CDH13: variants seen among roughly 807,000 people sequenced by gnomAD.
The protein encoded by CDH13 is cadherin-13.
Under a neutral mutation model 63.8 loss-of-function variants are expected in CDH13, and 24 were observed. The observed-to-expected ratio is 0.38, with a 90% confidence interval of 0.27 to 0.53. The LOEUF (loss-of-function observed/expected upper bound fraction) is 0.53. Ranked by LOEUF, CDH13 falls within the 20% of genes least tolerant of loss-of-function variation. The pLI is 0.85. For synonymous variants in CDH13, 503 were observed against 355.3 expected, an observed-to-expected ratio of 1.42 and a Z score of -4.67; for missense variants, 1,049 against 903.1, an observed-to-expected ratio of 1.16 and a Z score of -2.07.
intron 5 of CDH13, among the ~76,000 whole-genome samples, chr16:83,307,025 G>A (rs755121815): frequency 1.3e-5 from 2 of 152,122 alleles, no homozygotes; most frequent in South Asian, 2.1e-4. Context: ...AACCTCTTTC[G>A]GCATGAATAA....
chr16:83,388,553 G>A (rs944175203), intron 6 of CDH13, among the ~76,000 whole-genome samples: 2 of 152,168 alleles, frequency 1.3e-5, no homozygotes, highest in African/African-American at 2.4e-5. Flanking sequence ...GCAGCTGCCT[G>A]TTTGGATCAT....
At chr16:83,499,286 C>A (rs762138849) in intron 7 of CDH13, among the ~76,000 whole-genome samples, 1 of 152,198 alleles carries the variant, frequency 6.6e-6, no homozygotes, top group Non-Finnish European at 1.5e-5. Context: ...TGTGATACTT[C>A]TTTGTTTATA....
At chr16:83,132,471 C>A (rs1306867660) in intron 4 of CDH13, among the ~76,000 whole-genome samples, 2 of 97,130 alleles carry the variant, frequency 2.1e-5, no homozygotes, top group Non-Finnish European at 3.7e-5. Flanking sequence ...TTTTTTGAGA[C>A]AGAGTCTTTC....
At chr16:83,229,696 C>G (rs1043624104) in intron 5 of CDH13, among the ~76,000 whole-genome samples, 3 of 152,072 alleles carry the variant, frequency 2.0e-5, no homozygotes, top group African/African-American at 7.2e-5. Context: ...TCCAAAGGTG[C>G]AGATGTTTGC....
At chr16:82,792,946 T>G (rs1403668765) in intron 1 of CDH13, among the ~76,000 whole-genome samples, 1 of 152,208 alleles carries the variant, frequency 6.6e-6, no homozygotes, top group Non-Finnish European at 1.5e-5. Context: ...AGCATTGGAC[T>G]GTTATGCGAG....
intron 1 of CDH13, among the ~76,000 whole-genome samples, chr16:82,680,858 G>T (rs1296671145): frequency 4.6e-5 from 7 of 152,162 alleles, no homozygotes; most frequent in Middle Eastern, 3.2e-3. Flanking sequence ...GCCTAACCTG[G>T]GTGGTGGCCA....
intron 6 of CDH13, among the ~76,000 whole-genome samples, chr16:83,451,218 G>A (rs1288079896): frequency 2.0e-5 from 3 of 152,204 alleles, no homozygotes; most frequent in African/African-American, 7.2e-5. Flanking sequence ...GAAGTTTAAT[G>A]ACTCACAGTT....
chr16:83,245,783 C>A (rs1904929926), intron 5 of CDH13, among the ~76,000 whole-genome samples: 1 of 152,102 alleles, frequency 6.6e-6, no homozygotes, highest in Non-Finnish European at 1.5e-5. Flanking sequence ...CACCCTGTCT[C>A]CCAGGCTGGA....
Position 83,499,409 on chromosome 16 carries a change from C to T in CDH13, c.960+12754C>T, listed in dbSNP as rs149745152. 7.0e-3 allele frequency among the ~76,000 whole-genome samples: 1,068 copies of T among 152,322 alleles called. 4 individuals are homozygous for T. Among genetic ancestry groups the T allele is most frequent in the Non-Finnish European group, 8.9e-3 (606 of 68,028 alleles). ...TTCCACAGTGCAGTGTCTGAGATGACCGTCTTCAGATCTGGGTTGCTTGAG... is the reference window on the plus strand; with the variant it reads ...TTCCACAGTGCAGTGTCTGAGATGATCGTCTTCAGATCTGGGTTGCTTGAG... On this transcript the variant is annotated intron_variant, in intron 7 of 13. Transcript: ENST00000567109.
intron 6 of CDH13, among the ~76,000 whole-genome samples, chr16:83,366,653 C>T (rs114097374): frequency 3.3e-5 from 5 of 152,154 alleles, no homozygotes; most frequent in Admixed American, 2.0e-4. Flanking sequence ...AGATAGTCTC[C>T]TGACACCTAC....
At chr16:83,519,800 G>T (rs577922594) in intron 7 of CDH13, among the ~76,000 whole-genome samples, 6 of 152,244 alleles carry the variant, frequency 3.9e-5, no homozygotes, top group African/African-American at 1.2e-4. Flanking sequence ...TGTGAATGGT[G>T]GGGGGAACAA....
At chr16:83,502,885 G>A (rs7196277) in intron 7 of CDH13, among the ~76,000 whole-genome samples, 95,851 of 152,022 alleles carry the variant, frequency 0.63, 30,983 homozygotes, top group East Asian at 0.89. Flanking sequence ...CGACAGTGGG[G>A]TCTCCCTAGA....
intron 10 of CDH13, chr16:83,710,135 A>G (rs978428735): frequency 6.6e-6 from 1 of 152,354 alleles, no homozygotes; most frequent in Non-Finnish European, 1.5e-5. Flanking sequence ...AGTTCTCACA[A>G]TGCACTGGAC....
intron 7 of CDH13, among the ~76,000 whole-genome samples, chr16:83,588,396 C>T (rs1004405083): frequency 6.6e-6 from 1 of 152,198 alleles, no homozygotes; most frequent in African/African-American, 2.4e-5. Flanking sequence ...ATTCATTGAA[C>T]ATTTACTGAG....
At chr16:83,201,846 C>T (rs1348123486) in intron 4 of CDH13, among the ~76,000 whole-genome samples, 1 of 152,018 alleles carries the variant, frequency 6.6e-6, no homozygotes, top group Non-Finnish European at 1.5e-5. Flanking sequence ...ACCCGGAAGG[C>T]AGAGCTTCCA....
chr16:83,794,450 G>C (rs1304517105), intron 13 of CDH13, among the ~76,000 whole-genome samples: 1 of 152,196 alleles, frequency 6.6e-6, no homozygotes, highest in Non-Finnish European at 1.5e-5. Flanking sequence ...CTCCTCCGGA[G>C]ACTAAGGTGG....
chr16:83,084,908 G>C (rs2033483741), intron 3 of CDH13, among the ~76,000 whole-genome samples: 1 of 152,196 alleles, frequency 6.6e-6, no homozygotes, highest in African/African-American at 2.4e-5. Flanking sequence ...AATAGGTTGA[G>C]TAAGTAGAGG....
intron 3 of CDH13, among the ~76,000 whole-genome samples, chr16:83,083,299 A>G (rs955815295): frequency 4.6e-5 from 7 of 152,176 alleles, no homozygotes; most frequent in Non-Finnish European, 1.0e-4. Flanking sequence ...TCAGTAAAGC[A>G]TTAGGACAAT....
chr16:82,987,505 T>A (rs941459922), intron 2 of CDH13, among the ~76,000 whole-genome samples: 4 of 152,168 alleles, frequency 2.6e-5, no homozygotes, highest in Admixed American at 6.5e-5. Context: ...GCCTCCTCTG[T>A]AGCTGGTATT....
Sources: gnomAD v4.1 joint callset for allele counts (sites outside exome capture counted in the v4.1 genomes callset) on GRCh38, gnomAD v4.1.1 for gene constraint, MANE v1.5 for transcripts, NCBI Gene and HGNC (gene_info 2026-07-23, HGNC 2026-07-21) for gene names.